LAMTOR2: variants seen among roughly 807,000 people sequenced by gnomAD.
LAMTOR2 encodes the protein ragulator complex protein LAMTOR2.
A neutral mutation model predicts 15.8 loss-of-function variants in LAMTOR2; 4 were observed. That is an observed-to-expected ratio of 0.25 (90% CI 0.12 to 0.58). The LOEUF is 0.58. Ranked by LOEUF, LAMTOR2 falls within the 20% of genes least tolerant of loss-of-function variation. The pLI is 0.91. For missense variants in LAMTOR2, 100 were observed against 161.0 expected, an observed-to-expected ratio of 0.62 and a Z score of 2.05; for synonymous variants, 62 against 64.1, an observed-to-expected ratio of 0.97 and a Z score of 0.15.
chr1:156,056,784 A>G (rs1248316296), intron 2 of LAMTOR2, among the ~76,000 whole-genome samples: 2 of 152,158 alleles, frequency 1.3e-5, no homozygotes, highest in African/African-American at 4.8e-5. Context: ...TGCACAACCA[A>G]TGCCATTTTT....
At position 156,058,051 on chromosome 1, in the gene LAMTOR2, G is replaced by C; in HGVS notation, c.305G>C (p.Gly102Ala). ...TATGCCAAGGAGACCGTGGGCTTTG[G>C]AATGCTCAAGGCCAAGGTGTGTATG... The part of the protein sequence containing the change: ...CMYAKETVGF[G>A]MLKAKAQALV... Residue 102 changes from glycine (G) to alanine (A), a missense_variant, in exon 3 of 4, where the codon GGA becomes GCA. Physicochemically the swap from Gly to Ala is moderately conservative, Grantham distance 60. Coordinates refer to ENST00000368305, the MANE Select transcript of LAMTOR2 (RefSeq NM_014017.4). 1.2e-6 allele frequency: 2 copies of C among 1,614,196 alleles called. No individual in the cohort carries two copies. Among genetic ancestry groups the C allele is most frequent in the Non-Finnish European group, 1.7e-6 (2 of 1,180,030 alleles).
rs781534003 is a variant in LAMTOR2, at chr1:156,054,854, T to A, written c.-36T>A. The A allele has an allele frequency of 1.9e-6, 3 of 1,606,628 alleles. No individual in the cohort carries two copies. In the African/African-American group the frequency reaches 4.0e-5, roughly 21 times the overall value. ...CGGCCCGCGGGAGGCACCTCGGAGA[T>A]CTGGGTGCAAAAGCCCAGGGTTAGG... On this transcript the variant is annotated 5_prime_UTR_variant, in exon 1 of 4. Transcript: ENST00000368305.
At position 156,054,973 on chromosome 1, in the gene LAMTOR2, G is replaced by C. The variant is rs1647286365; in HGVS notation, c.68+16G>C. ...AGAGCACCCTGTGAGTGCAGACCAC[G>C]GACCCGAGCGGCGAGCGCTGCAGTG... On this transcript the variant is annotated intron_variant, in intron 1 of 3. Coordinates refer to ENST00000368305, the MANE Select transcript of LAMTOR2 (RefSeq NM_014017.4). 1 of 1,609,178 alleles carries C rather than the reference G, an allele frequency of 6.2e-7. No homozygotes were observed. The highest frequency in any genetic ancestry group is 8.5e-7 in the Non-Finnish European group (1 of 1,178,392).
At chr1:156,056,306 T>A (rs1306547050) in intron 2 of LAMTOR2, among the ~76,000 whole-genome samples, 1 of 152,162 alleles carries the variant, frequency 6.6e-6, no homozygotes, top group East Asian at 1.9e-4. Flanking sequence ...CTGGCCACAT[T>A]TTTTAAAATA....
intron 2 of LAMTOR2, among the ~76,000 whole-genome samples, chr1:156,057,446 C>A (rs1647411053): frequency 6.6e-6 from 1 of 152,112 alleles, no homozygotes; most frequent in Non-Finnish European, 1.5e-5. Context: ...CAATACTTTT[C>A]CTACTACATG....
intron 2 of LAMTOR2, among the ~76,000 whole-genome samples, chr1:156,056,591 T>C (rs1245052739): frequency 6.6e-6 from 1 of 152,130 alleles, no homozygotes; most frequent in Non-Finnish European, 1.5e-5. Context: ...TTACGTGAGA[T>C]GGAGGAGGGT....
intron 2 of LAMTOR2, among the ~76,000 whole-genome samples, chr1:156,057,136 C>A (rs1321951868): frequency 6.7e-6 from 1 of 150,034 alleles, no homozygotes; most frequent in African/African-American, 2.5e-5. Flanking sequence ...CGAGATCACG[C>A]CACTGCACTC....
At position 156,058,176 on chromosome 1, in the gene LAMTOR2, C is replaced by G. The variant is rs895990865; in HGVS notation, c.321+109C>G. 6 of 1,496,518 alleles carry G rather than the reference C, an allele frequency of 4.0e-6. No homozygotes were observed. In the East Asian group the frequency reaches 9.0e-5, roughly 23 times the overall value. 92.7% of individuals were successfully genotyped at this position (1,496,518 alleles called of 1,614,324 possible). ...CTAGAGTTCTCATGTCTACTCAGTCCATTTCTGGTGTGGGCCAGCTCCCAA... is the reference window on the plus strand; with the variant it reads ...CTAGAGTTCTCATGTCTACTCAGTCGATTTCTGGTGTGGGCCAGCTCCCAA... On this transcript the variant is annotated intron_variant, in intron 3 of 3. Transcript: ENST00000368305.
Position 156,055,582 on chromosome 1 carries a change from T to C in LAMTOR2, c.231+157T>C, listed in dbSNP as rs1396191556. 5.0e-6 allele frequency: 4 copies of C among 798,596 alleles called. No individual in the cohort carries two copies. In the African/African-American group the frequency reaches 5.1e-5, roughly 10 times the overall value. 49.5% of individuals were successfully genotyped at this position (798,596 alleles called of 1,614,324 possible). A position where few individuals can be genotyped will look rare whatever the true frequency, so the allele number is the denominator to read the frequency against. The stretch of plus-strand genomic sequence containing the variant: ...AGCATTTGTAATAGGCAGGACCCTA[T>C]TCATCAAGTGGTGGTGAGGAAGGAT... On this transcript the variant is annotated intron_variant, in intron 2 of 3. Coordinates refer to ENST00000368305, the MANE Select transcript of LAMTOR2 (RefSeq NM_014017.4). The surrounding 1 kb of genome is among the most constrained non-coding windows in gnomAD (Gnocchi z 4.8).
chr1:156,055,537 A>G lies in LAMTOR2; in HGVS notation c.231+112A>G. 8.0e-7 allele frequency: 1 copy of G among 1,255,298 alleles called. No homozygotes were observed. Among genetic ancestry groups the G allele is most frequent in the South Asian group, 1.2e-5 (1 of 82,692 alleles). The allele number at this position is 1,255,298 out of a possible 1,614,324, so 77.8% of individuals were successfully genotyped here. On this transcript the variant is annotated intron_variant, in intron 2 of 3. Transcript: ENST00000368305. The surrounding 1 kb of genome is among the most constrained non-coding windows in gnomAD (Gnocchi z 4.8). ...GCAGGGACAGGATCTCCGGAAGATT[A>G]CTAAGAGTTGGTCTGCAGCAGCATT...
At chr1:156,058,092 A>T (rs768797979) in intron 3 of LAMTOR2, 25 bp downstream of exon 3, 28 of 1,609,486 alleles carry the variant, frequency 1.7e-5, no homozygotes, top group Middle Eastern at 1.6e-4. Context: ...ATCCCTCCAT[A>T]GCCCTGGGCC....
At position 156,058,199 on chromosome 1, in the gene LAMTOR2, C is replaced by T; in HGVS notation, c.322-116C>T. The T allele has an allele frequency of 4.6e-6, 7 of 1,519,824 alleles. No homozygotes were observed. In the South Asian group the frequency reaches 6.8e-5, roughly 15 times the overall value. 94.1% of individuals were successfully genotyped at this position (1,519,824 alleles called of 1,614,324 possible). On this transcript the variant is annotated intron_variant, in intron 3 of 3. Coordinates refer to ENST00000368305, the MANE Select transcript of LAMTOR2 (RefSeq NM_014017.4). Reference sequence around the variant, plus strand: ...TCCATTTCTGGTGTGGGCCAGCTCCCAAGAGCAGGTGGGGGTTGGGGGCTG... The same window carrying T: ...TCCATTTCTGGTGTGGGCCAGCTCCTAAGAGCAGGTGGGGGTTGGGGGCTG...
chr1:156,056,301 C>T (rs943294632), intron 2 of LAMTOR2, among the ~76,000 whole-genome samples: 13 of 152,064 alleles, frequency 8.5e-5, no homozygotes, highest in Admixed American at 6.6e-4. Flanking sequence ...TGTGCCTGGC[C>T]ACATTTTTTA....
chr1:156,058,377 T>G lies in LAMTOR2; in HGVS notation c.*6T>G. 1 of 1,614,002 alleles carries G rather than the reference T, an allele frequency of 6.2e-7. No individual in the cohort carries two copies. The highest frequency in any genetic ancestry group is 2.2e-5 in the East Asian group (1 of 44,882). Reference sequence around the variant, plus strand: ...CCCAAGTGGCGGCATCTTAACGGCATTGGTGGAAGCTGGGGTCAGAAAAGA... The same window carrying G: ...CCCAAGTGGCGGCATCTTAACGGCAGTGGTGGAAGCTGGGGTCAGAAAAGA... On this transcript the variant is annotated 3_prime_UTR_variant, in exon 4 of 4. Transcript: ENST00000368305.
intron 2 of LAMTOR2, among the ~76,000 whole-genome samples, chr1:156,057,324 C>T (rs1572288274): frequency 6.6e-6 from 1 of 151,954 alleles, no homozygotes; most frequent in South Asian, 2.1e-4. Flanking sequence ...AAGACCCCAT[C>T]TCTACAAAAA....
In LAMTOR2 at chr1:156,054,805, G is replaced by C. The variant is rs1457453569; in HGVS notation, c.-85G>C. On this transcript the variant is annotated 5_prime_UTR_variant, in exon 1 of 4. Transcript: ENST00000368305. ...CCAGGGCGTCCCGGAGCAGGCCAAC[G>C]GGACTACGGGAAGCAGCGGGCAGCG... 2.9e-6 allele frequency: 4 copies of C among 1,391,584 alleles called. No individual in the cohort carries two copies. The highest frequency in any genetic ancestry group is 1.2e-5 in the South Asian group (1 of 83,570). 86.2% of individuals were successfully genotyped at this position (1,391,584 alleles called of 1,614,324 possible). A position where few individuals can be genotyped will look rare whatever the true frequency, so the allele number is the denominator to read the frequency against.
chr1:156,055,798 T>C lies in LAMTOR2; in HGVS notation c.231+373T>C. ...CAGATGAAATAATGGGTATAAACAG[T>C]AGAATGACGTGCAAACACAAAGTGT... On this transcript the variant is annotated intron_variant, in intron 2 of 3. Transcript: ENST00000368305. The surrounding 1 kb of genome is among the most constrained non-coding windows in gnomAD (Gnocchi z 4.8). 1 of 281,450 alleles carries C rather than the reference T, an allele frequency of 3.6e-6. No individual in the cohort carries two copies. The highest frequency in any genetic ancestry group is 7.0e-6 in the Non-Finnish European group (1 of 142,850). 17.4% of individuals were successfully genotyped at this position (281,450 alleles called of 1,614,324 possible). A position where few individuals can be genotyped will look rare whatever the true frequency, so the allele number is the denominator to read the frequency against.
Position 156,055,644 on chromosome 1 carries a change from C to G in LAMTOR2, c.231+219C>G. 1 of 589,472 alleles carries G rather than the reference C, an allele frequency of 1.7e-6. No homozygotes were observed. The highest frequency in any genetic ancestry group is 3.0e-6 in the Non-Finnish European group (1 of 331,318). The allele number at this position is 589,472 out of a possible 1,614,324, so 36.5% of individuals were successfully genotyped here. A position where few individuals can be genotyped will look rare whatever the true frequency, so the allele number is the denominator to read the frequency against. On this transcript the variant is annotated intron_variant, in intron 2 of 3. Transcript: ENST00000368305. The surrounding 1 kb of genome is among the most constrained non-coding windows in gnomAD (Gnocchi z 4.8). Reference sequence around the variant, plus strand: ...AGAGGTCTGACTTGGGTTCTGGTCTCAGCCATCCACTTATCAGTTGTGGAA... The same window carrying G: ...AGAGGTCTGACTTGGGTTCTGGTCTGAGCCATCCACTTATCAGTTGTGGAA...
intron 2 of LAMTOR2, 117 bp from the exon 3 acceptor site, chr1:156,057,861 T>A (rs992547872): frequency 7.2e-6 from 7 of 966,822 alleles, no homozygotes; most frequent in Admixed American, 2.0e-5. Context: ...AACTTCCTGC[T>A]GTGCCCAGGG....
Sources: gnomAD v4.1 joint callset for allele counts (sites outside exome capture counted in the v4.1 genomes callset) on GRCh38, gnomAD v4.1.1 for gene constraint, Gnocchi (gnomAD v3.1) non-coding constraint, MANE v1.5 for transcripts, NCBI Gene and HGNC (gene_info 2026-07-23, HGNC 2026-07-21) for gene names.